TMEM178A: variants seen among roughly 807,000 people sequenced by gnomAD.
The protein encoded by TMEM178A is transmembrane protein 178.
TMEM178A carries 12 observed loss-of-function variants against 29.1 expected under a neutral mutation model. The observed-to-expected ratio is 0.41, with a 90% CI of 0.26 to 0.67. The LOEUF is 0.67. Among genes scored for constraint, TMEM178A ranks in the 30% least tolerant of loss-of-function variants. The pLI is 0.29. For synonymous variants in TMEM178A, 210 were observed against 187.2 expected (o/e 1.12, Z -0.99); for missense variants, 366 against 419.1 (o/e 0.87, Z 1.11).
chr2:39,705,439 A>T (rs985810274), intron 2 of TMEM178A, among the ~76,000 whole-genome samples: 3 of 152,226 alleles, frequency 2.0e-5, no homozygotes, highest in African/African-American at 7.2e-5. Flanking sequence ...AGGCTGTAAG[A>T]TAATGGTGAC....
chr2:39,681,726 G>C lies in TMEM178A; in HGVS notation c.400+15352G>C, dbSNP rs186662493. On this transcript the variant is annotated intron_variant, in intron 1 of 3. Transcript: ENST00000281961. ...TGAAATTACTCTGTAGTAGCCATAT[G>C]ATGAGTGCATTAGTCATGGAATAAA... is the stretch of plus-strand genomic sequence containing the variant. Among the ~76,000 whole-genome samples, 14 of 152,308 alleles carry C rather than the reference G, an allele frequency of 9.2e-5. No homozygotes were observed. In the East Asian group the frequency reaches 2.7e-3, roughly 29 times the overall value.
intron 1 of TMEM178A, among the ~76,000 whole-genome samples, chr2:39,675,229 T>G (rs140415494): frequency 6.6e-6 from 1 of 152,252 alleles, no homozygotes; most frequent in African/African-American, 2.4e-5. Flanking sequence ...CATTTTGAAG[T>G]GTTGGGGGTA....
In TMEM178A at chr2:39,677,721, G is replaced by A. The variant is rs541517363; in HGVS notation, c.400+11347G>A. ...GTCAAAACCTTTCCAGCAAACCTCAGGTTTCCTGTGCTAGGCTCCTCTTGG... is the reference window on the plus strand; with the variant it reads ...GTCAAAACCTTTCCAGCAAACCTCAAGTTTCCTGTGCTAGGCTCCTCTTGG... On this transcript the variant is annotated intron_variant, in intron 1 of 3. Coordinates refer to ENST00000281961, the MANE Select transcript of TMEM178A (RefSeq NM_152390.3). Among the ~76,000 whole-genome samples the A allele has an allele frequency of 1.1e-4, 16 of 152,166 alleles. No homozygotes were observed. The South Asian group carries it at 3.3e-3, about 32-fold the overall frequency.
At chr2:39,666,703 T>A (rs1413250982) in intron 1 of TMEM178A, among the ~76,000 whole-genome samples, 1 of 152,230 alleles carries the variant, frequency 6.6e-6, no homozygotes, top group Non-Finnish European at 1.5e-5. Flanking sequence ...TCTCTGCCTT[T>A]GTACACCTGC....
At chr2:39,721,411 T>A (rs1172253116), downstream of TMEM178A, among the ~76,000 whole-genome samples, 2 of 152,232 alleles carry the variant, frequency 1.3e-5, no homozygotes, top group African/African-American at 4.8e-5. Context: ...TTTTTCTGTT[T>A]TTATTTCCAA....
At chr2:39,678,518 A>C (rs80229205) in intron 1 of TMEM178A, among the ~76,000 whole-genome samples, 6,628 of 152,270 alleles carry the variant, frequency 0.044, 428 homozygotes, top group African/African-American at 0.14. Context: ...TATGAAATAT[A>C]CAGATTAGGC....
chr2:39,672,766 G>T (rs1670459027), intron 1 of TMEM178A, among the ~76,000 whole-genome samples: 1 of 152,120 alleles, frequency 6.6e-6, no homozygotes, highest in Admixed American at 6.5e-5. Context: ...CAAACTCCTG[G>T]CCTCAAGAGA....
In TMEM178A at chr2:39,674,830, CT is replaced by C. The variant is rs921224949; in HGVS notation, c.400+8465del. Among the ~76,000 whole-genome samples the C allele has an allele frequency of 1.1e-3, 169 of 151,588 alleles. 2 individuals carry two copies. Among genetic ancestry groups the C allele is most frequent in the African/African-American group, 3.9e-3 (163 of 41,318 alleles). On this transcript the variant is annotated intron_variant, in intron 1 of 3. Coordinates refer to ENST00000281961, the MANE Select transcript of TMEM178A (RefSeq NM_152390.3). Reference sequence around the variant, plus strand: ...GTCTTGTATTCCTTTCTCTCTCTCTCTTTTTTTTTCTCAAGTTACCTTTTCT... The same window carrying C: ...GTCTTGTATTCCTTTCTCTCTCTCTCTTTTTTTTCTCAAGTTACCTTTTCT...
Position 39,666,272 on chromosome 2 carries a change from G to T in TMEM178A, c.298G>T (p.Asp100Tyr). The T allele has an allele frequency of 7.2e-7, 1 of 1,393,472 alleles. No individual in the cohort carries two copies. Among genetic ancestry groups the T allele is most frequent in the Non-Finnish European group, 9.3e-7 (1 of 1,072,682 alleles). The allele number at this position is 1,393,472 out of a possible 1,614,324, so 86.3% of individuals were successfully genotyped here. The change falls in exon 1 of 4, where the codon GAC becomes TAC. Residue 100 changes from aspartate (D) to tyrosine (Y), a missense_variant. Around this residue, in one of 2 missense-constraint regions of TMEM178A, gnomAD observed 247 missense variants for 246.8 expected, o/e 1.00. Coordinates refer to ENST00000281961, the MANE Select transcript of TMEM178A (RefSeq NM_152390.3). Reference protein sequence around the residue: ...WRSLLGLGGLDAECGRPLFAT... With the variant: ...WRSLLGLGGLYAECGRPLFAT... ...CTCGCTCCTGGGGCTCGGCGGGCTG[G>T]ACGCCGAGTGCGGCCGGCCCCTCTT...
intron 1 of TMEM178A, among the ~76,000 whole-genome samples, chr2:39,690,706 C>T (rs983723720): frequency 6.6e-6 from 1 of 152,058 alleles, no homozygotes; most frequent in African/African-American, 2.4e-5. Context: ...CTTAACACTA[C>T]TAAAAGAAAA....
At chr2:39,699,282 C>A (rs2148093114) in intron 1 of TMEM178A, among the ~76,000 whole-genome samples, 1 of 152,012 alleles carries the variant, frequency 6.6e-6, no homozygotes, top group South Asian at 2.1e-4. Flanking sequence ...CTACTTCAGC[C>A]TCCCAAAGTG....
chr2:39,706,940 G>A lies in TMEM178A; in HGVS notation c.515-109G>A, dbSNP rs1672060458. The A allele has an allele frequency of 1.1e-5, 15 of 1,324,844 alleles. No homozygotes were observed. The South Asian group carries it at 1.8e-4, about 16-fold the overall frequency. 82.1% of individuals were successfully genotyped at this position (1,324,844 alleles called of 1,614,324 possible). ...TCCTTGTCCTGTGGGCTCTAAGCCTGTCCATGTAACTTACTAATTTTCACA... is the reference window on the plus strand; with the variant it reads ...TCCTTGTCCTGTGGGCTCTAAGCCTATCCATGTAACTTACTAATTTTCACA... On this transcript the variant is annotated intron_variant, in intron 2 of 3. Transcript: ENST00000281961.
intron 1 of TMEM178A, among the ~76,000 whole-genome samples, chr2:39,675,509 T>A (rs1670580979): frequency 6.6e-6 from 1 of 152,180 alleles, no homozygotes; most frequent in African/African-American, 2.4e-5. Flanking sequence ...CCCGTTGACT[T>A]AACCACCGAT....
chr2:39,665,689 A>T, upstream of TMEM178A: 1 of 222,018 alleles, frequency 4.5e-6, no homozygotes. Context: ...CGCCGGGGCG[A>T]GGAGAGGGGG....
intron 3 of TMEM178A, among the ~76,000 whole-genome samples, chr2:39,709,835 G>T (rs1672225369): frequency 6.6e-6 from 1 of 152,192 alleles, no homozygotes; most frequent in African/African-American, 2.4e-5. Context: ...AGTTTTTAAA[G>T]GATACTTTAA....
chr2:39,698,661 C>T (rs1671654188), intron 1 of TMEM178A, among the ~76,000 whole-genome samples: 1 of 150,732 alleles, frequency 6.6e-6, no homozygotes, highest in Non-Finnish European at 1.5e-5. Context: ...GTAATAATGG[C>T]CTCATAGAAA....
At chr2:39,676,855 C>T (rs1670648591) in intron 1 of TMEM178A, among the ~76,000 whole-genome samples, 1 of 152,162 alleles carries the variant, frequency 6.6e-6, no homozygotes, top group Non-Finnish European at 1.5e-5. Context: ...CTACCACTTT[C>T]TCCACATACT....
chr2:39,724,312 G>C, the TMEM178A span, among the ~76,000 whole-genome samples: 1 of 151,644 alleles, frequency 6.6e-6, no homozygotes, highest in Non-Finnish European at 1.5e-5. Context: ...CTAGCCTTAC[G>C]GTTAGAGGTA....
chr2:39,722,060 G>T (rs1232044711), downstream of TMEM178A, among the ~76,000 whole-genome samples: 2 of 148,614 alleles, frequency 1.3e-5, no homozygotes, highest in Non-Finnish European at 3.0e-5. Context: ...ATTTAAAGAG[G>T]CACCACTAGA....
Sources: gnomAD v4.1 joint callset for allele counts (sites outside exome capture counted in the v4.1 genomes callset) on GRCh38, gnomAD v4.1.1 for gene constraint, gnomAD v4.1.1 regional missense constraint, MANE v1.5 for transcripts, NCBI Gene and HGNC (gene_info 2026-07-23, HGNC 2026-07-21) for gene names.